GPM6A: variants seen among roughly 807,000 people sequenced by gnomAD.
GPM6A encodes the protein glycoprotein M6A.
GPM6A carries 7 observed loss-of-function variants against 32.1 expected under a neutral mutation model. The ratio of observed to expected loss-of-function variants is 0.22; its 90% CI spans 0.12 to 0.41. The LOEUF is 0.41. Ranked by LOEUF, GPM6A falls within the 10% of genes least tolerant of loss-of-function variation. The pLI is 1.00. For synonymous variants in GPM6A, 130 were observed against 123.4 expected (o/e 1.05, Z -0.35); for missense variants, 235 against 347.2 (o/e 0.68, Z 2.57).
At chr4:175,907,880 A>G (rs1013207621) in intron 1 of GPM6A, among the ~76,000 whole-genome samples, 1 of 152,168 alleles carries the variant, frequency 6.6e-6, no homozygotes, top group Non-Finnish European at 1.5e-5. Flanking sequence ...GGTGTATTAA[A>G]TAAGTTCGTA....
chr4:175,858,947 A>G (rs1173660477), intron 1 of GPM6A, among the ~76,000 whole-genome samples: 2 of 152,218 alleles, frequency 1.3e-5, no homozygotes, highest in African/African-American at 4.8e-5. Context: ...TAAAATAATT[A>G]TGCTGCAAGA....
chr4:175,813,691 T>C (rs1402968397), upstream of GPM6A, among the ~76,000 whole-genome samples: 1 of 152,230 alleles, frequency 6.6e-6, no homozygotes, highest in African/African-American at 2.4e-5. Flanking sequence ...TTATAGCTTG[T>C]ATTTCACATG....
intron 1 of GPM6A, among the ~76,000 whole-genome samples, chr4:175,833,456 G>A (rs890355698): frequency 3.3e-5 from 5 of 152,096 alleles, no homozygotes; most frequent in African/African-American, 7.2e-5. Flanking sequence ...TACCACATCC[G>A]TAATCCAGTT....
rs1211438950 is a variant in GPM6A, at chr4:175,974,458, C to A, written c.-23+27851G>T. Among the ~76,000 whole-genome samples the A allele has an allele frequency of 7.9e-5, 12 of 152,194 alleles. No individual in the cohort carries two copies. In the East Asian group the frequency reaches 2.1e-3, roughly 27 times the overall value. On this transcript the variant is annotated intron_variant, in intron 1 of 7. Coordinates refer to the GPM6A transcript ENST00000280187. ...GCAGCCTCCACCTCCCGGGTTCAAG[C>A]GATTCTCCAGCCTCAGCCTCCTGAG... is the stretch of plus-strand genomic sequence containing the variant.
At chr4:175,901,643 T>G (rs200589741) in intron 1 of GPM6A, among the ~76,000 whole-genome samples, 1 of 124,294 alleles carries the variant, frequency 8.0e-6, no homozygotes, top group Non-Finnish European at 1.6e-5. Context: ...TTTTTTTTCC[T>G]TTTTTTTTTT....
intron 1 of GPM6A, among the ~76,000 whole-genome samples, chr4:175,748,132 A>G (rs776816194): frequency 2.0e-5 from 3 of 152,126 alleles, no homozygotes; most frequent in Non-Finnish European, 2.9e-5. Flanking sequence ...TTACTTCTGC[A>G]CTGAAGTCTT....
intron 1 of GPM6A, among the ~76,000 whole-genome samples, chr4:175,864,168 GTT>G (rs1736660411): frequency 6.6e-6 from 1 of 152,008 alleles, no homozygotes; most frequent in Non-Finnish European, 1.5e-5. Context: ...TGTGCCATTT[GTT>G]TTTGTTTTTG....
At chr4:175,871,680 C>G (rs568830641) in intron 1 of GPM6A, among the ~76,000 whole-genome samples, 1 of 152,192 alleles carries the variant, frequency 6.6e-6, no homozygotes, top group Admixed American at 6.6e-5. Context: ...CTTCTTCTAT[C>G]CCAGGGTTAT....
intron 1 of GPM6A, among the ~76,000 whole-genome samples, chr4:175,901,355 GATGTGCTTATTTTATATTGC>G (rs1414634493): frequency 1.3e-5 from 2 of 151,994 alleles, no homozygotes; most frequent in Non-Finnish European, 2.9e-5. Context: ...CATTCTCCAT[GATGTGCTTATTTTATATTGC>G]ATGCCTGTAT....
intron 1 of GPM6A, among the ~76,000 whole-genome samples, chr4:175,712,846 C>A (rs114823252): frequency 0.01 from 1,558 of 152,264 alleles, 33 homozygotes; most frequent in African/African-American, 0.035. Flanking sequence ...TCTGTTTGAG[C>A]CTATATACCA....
intron 6 of GPM6A, among the ~76,000 whole-genome samples, chr4:175,636,288 A>ACATATATATGTATATATG (rs1416742372): frequency 7.1e-6 from 1 of 140,048 alleles, no homozygotes; most frequent in African/African-American, 2.6e-5. Flanking sequence ...ATATATATAT[A>ACATATATATGTATATATG]TATATATATA....
chr4:175,928,614 C>T (rs935634477), intron 1 of GPM6A, among the ~76,000 whole-genome samples: 3 of 152,140 alleles, frequency 2.0e-5, no homozygotes, highest in Non-Finnish European at 2.9e-5. Context: ...TACTGCCCAA[C>T]GAAGTGGGCG....
At chr4:175,817,137 C>T (rs978871080), upstream of GPM6A, among the ~76,000 whole-genome samples, 2 of 152,178 alleles carry the variant, frequency 1.3e-5, no homozygotes, top group Non-Finnish European at 2.9e-5. Context: ...GGATTACGGG[C>T]GTGAGCCACC....
intron 1 of GPM6A, among the ~76,000 whole-genome samples, chr4:175,842,501 G>A (rs73008143): frequency 6.6e-5 from 10 of 151,952 alleles, no homozygotes; most frequent in Non-Finnish European, 1.0e-4. Context: ...GGCGGGAGAC[G>A]TGCTTGAGTC....
intron 1 of GPM6A, among the ~76,000 whole-genome samples, chr4:175,799,713 GCCGGA>G (rs1560939740): frequency 8.2e-6 from 1 of 121,554 alleles, no homozygotes; most frequent in East Asian, 2.5e-4. Context: ...TGTCGCCCAG[GCCGGA>G]CTGCGGACTG....
chr4:175,702,362 T>C (rs1744927409), intron 1 of GPM6A, among the ~76,000 whole-genome samples: 1 of 152,238 alleles, frequency 6.6e-6, no homozygotes, highest in African/African-American at 2.4e-5. Flanking sequence ...TTTTGAAATA[T>C]ACAATAGACT....
At chr4:175,917,755 G>A (rs1345394915) in intron 1 of GPM6A, among the ~76,000 whole-genome samples, 2 of 151,696 alleles carry the variant, frequency 1.3e-5, no homozygotes, top group South Asian at 2.1e-4. Context: ...AAAAGACAAT[G>A]GAAAAATAAT....
rs1458807707 is a variant in GPM6A, at chr4:175,870,481, A to G, written c.-22-58232T>C. Among the ~76,000 whole-genome samples, 4 of 152,350 alleles carry G rather than the reference A, an allele frequency of 2.6e-5. No individual in the cohort carries two copies. The East Asian group carries it at 7.7e-4, about 29-fold the overall frequency. On this transcript the variant is annotated intron_variant, in intron 1 of 7. Coordinates refer to the GPM6A transcript ENST00000280187. ...GCACTATGCCAAATACAGAGGATAC[A>G]ACAATAAAAATAATGTATATAAAAT...
At chr4:175,666,426 G>A (rs1340032570) in intron 3 of GPM6A, among the ~76,000 whole-genome samples, 1 of 152,128 alleles carries the variant, frequency 6.6e-6, no homozygotes, top group East Asian at 1.9e-4. Context: ...GATATCTTTT[G>A]TAAAATGTTA....
Sources: allele counts gnomAD v4.1 joint callset (sites outside exome capture counted in the v4.1 genomes callset), GRCh38; gene constraint gnomAD v4.1.1; transcripts MANE v1.5; gene names NCBI Gene and HGNC (gene_info 2026-07-23, HGNC 2026-07-21).